CCDC172: variants seen among roughly 807,000 people sequenced by gnomAD.
The protein encoded by CCDC172 is coiled-coil domain-containing protein 172.
In CCDC172, 30 loss-of-function variants were observed where a neutral mutation model predicts 38.0. The observed-to-expected ratio is 0.79, with a 90% CI of 0.59 to 1.07. The LOEUF is 1.07. CCDC172 is among the 50% of genes least tolerant of loss of function. The pLI is 0.00. For missense variants in CCDC172, 297 were observed against 290.1 expected (o/e 1.02, Z -0.17); for synonymous variants, 78 against 88.3 (o/e 0.88, Z 0.66).
chr10:116,374,153 G>A (rs1175543964), intron 7 of CCDC172, among the ~76,000 whole-genome samples: 1 of 151,988 alleles, frequency 6.6e-6, no homozygotes, highest in African/African-American at 2.4e-5. Context: ...TTATCATATC[G>A]ACTGTTATGC....
Position 116,357,437 on chromosome 10 carries a change from G to C in CCDC172, c.506G>C (p.Ser169Thr). The change falls in exon 6 of 9, where the codon AGT becomes ACT. Residue 169 changes from serine (S) to threonine (T), a missense_variant. Ser to Thr is a moderately conservative substitution (Grantham distance 58). Coordinates refer to ENST00000333254, the MANE Select transcript of CCDC172 (RefSeq NM_198515.3). ...SQLNELQKQK[S>T]ELIQELFTLQ... ...TTAAATGAACTTCAAAAACAAAAGA[G>C]TGAATTGATACAAGAATTATTTACT... 6 of 1,584,006 alleles carry C rather than the reference G, an allele frequency of 3.8e-6. No homozygotes were observed. Among genetic ancestry groups the C allele is most frequent in the Non-Finnish European group, 5.1e-6 (6 of 1,167,694 alleles).
intron 5 of CCDC172, among the ~76,000 whole-genome samples, chr10:116,356,143 C>G (rs1844993159): frequency 1.3e-5 from 2 of 151,848 alleles, no homozygotes; most frequent in African/African-American, 4.8e-5. Flanking sequence ...CCAGCCTGAC[C>G]AACATGGTGA....
intron 5 of CCDC172, among the ~76,000 whole-genome samples, chr10:116,346,877 G>A (rs538801347): frequency 6.6e-6 from 1 of 151,998 alleles, no homozygotes; most frequent in African/African-American, 2.4e-5. Flanking sequence ...TAATGTGCTG[G>A]CCCCAACAGT....
intron 7 of CCDC172, 67 bp from the exon 8 acceptor site, chr10:116,378,356 C>T (rs771618594): frequency 2.6e-5 from 37 of 1,431,648 alleles, no homozygotes; most frequent in Non-Finnish European, 3.3e-5. Context: ...AAACTTGTCC[C>T]TCTCTGTGCA....
chr10:116,357,520 A>G (rs1365882064), intron 6 of CCDC172, 39 bp downstream of exon 6: 2 of 1,405,516 alleles, frequency 1.4e-6, no homozygotes, highest in African/African-American at 1.5e-5. Flanking sequence ...GCTGATAAAT[A>G]TAGTTATATA....
intron 3 of CCDC172, among the ~76,000 whole-genome samples, chr10:116,336,902 C>T (rs1300597833): frequency 1.3e-5 from 2 of 152,084 alleles, no homozygotes; most frequent in Non-Finnish European, 2.9e-5. Flanking sequence ...GGCACCCAGG[C>T]AGCAAGAGTA....
intron 3 of CCDC172, among the ~76,000 whole-genome samples, chr10:116,326,108 T>C (rs1239167727): frequency 1.3e-5 from 2 of 152,172 alleles, no homozygotes; most frequent in African/African-American, 4.8e-5. Context: ...CAGGGAGCAG[T>C]AAAAGTGGGT....
chr10:116,370,010 A>T (rs1050815980), intron 7 of CCDC172, among the ~76,000 whole-genome samples: 12 of 151,822 alleles, frequency 7.9e-5, no homozygotes, highest in African/African-American at 2.4e-4. Flanking sequence ...TTTTTTAACT[A>T]CCTATCTATG....
At position 116,350,845 on chromosome 10, in the gene CCDC172, G is replaced by A. The variant is rs149657400; in HGVS notation, c.449-6535G>A. 2.6e-3 allele frequency among the ~76,000 whole-genome samples: 389 copies of A among 152,164 alleles called. 1 individual carries two copies. The highest frequency in any genetic ancestry group is 0.01 in the Middle Eastern group (3 of 294). Reference sequence around the variant, plus strand: ...ATTAGAACATTGTGGGTTTTAGGCCGTGGAAGAAATTAAAAAGTGATTGCC... The same window carrying A: ...ATTAGAACATTGTGGGTTTTAGGCCATGGAAGAAATTAAAAAGTGATTGCC... On this transcript the variant is annotated intron_variant, in intron 5 of 8. Coordinates refer to ENST00000333254, the MANE Select transcript of CCDC172 (RefSeq NM_198515.3).
chr10:116,378,289 T>G, intron 7 of CCDC172, 134 bp from the exon 8 acceptor site: 1 of 902,060 alleles, frequency 1.1e-6, no homozygotes, highest in Non-Finnish European at 1.6e-6. Flanking sequence ...GAATTATAGA[T>G]AATTAAAATA....
chr10:116,350,522 A>C (rs1844917675), intron 5 of CCDC172, among the ~76,000 whole-genome samples: 1 of 152,218 alleles, frequency 6.6e-6, no homozygotes, highest in African/African-American at 2.4e-5. Flanking sequence ...TGTAAAATGA[A>C]TATTTATTTT....
intron 4 of CCDC172, 96 bp downstream of exon 4, chr10:116,340,946 A>G (rs1844786267): frequency 1.3e-6 from 1 of 770,226 alleles, no homozygotes; most frequent in Non-Finnish European, 2.3e-6. Flanking sequence ...ATCCATGTGC[A>G]TATTAGCAGG....
chr10:116,327,005 T>C (rs182394514), intron 3 of CCDC172, among the ~76,000 whole-genome samples: 1 of 152,278 alleles, frequency 6.6e-6, no homozygotes, highest in East Asian at 1.9e-4. Flanking sequence ...TAAGACACTT[T>C]CAGGATTGAT....
chr10:116,377,575 T>TA lies in CCDC172; in HGVS notation c.654-845dup, dbSNP rs1407992216. Among the ~76,000 whole-genome samples, 4 of 152,128 alleles carry TA rather than the reference T, an allele frequency of 2.6e-5. No homozygotes were observed. The East Asian group carries it at 7.7e-4, about 29-fold the overall frequency. ...AAAAAATTCAAAATATTCAAAAACT[T>TA]AAAGACTTAATTGGGGAAAAGAAAC... On this transcript the variant is annotated intron_variant, in intron 7 of 8. Transcript: ENST00000333254.
intron 3 of CCDC172, among the ~76,000 whole-genome samples, chr10:116,331,900 T>G (rs1844667368): frequency 6.6e-6 from 1 of 152,142 alleles, no homozygotes; most frequent in African/African-American, 2.4e-5. Flanking sequence ...TAAGAGAATC[T>G]CAGGGTTCAA....
At chr10:116,372,071 G>A (rs1354117070) in intron 7 of CCDC172, among the ~76,000 whole-genome samples, 1 of 151,960 alleles carries the variant, frequency 6.6e-6, no homozygotes, top group African/African-American at 2.4e-5. Context: ...TTCTGCATTG[G>A]TGTGGGCTTC....
intron 7 of CCDC172, among the ~76,000 whole-genome samples, chr10:116,358,366 T>G (rs1845025892): frequency 6.6e-6 from 1 of 152,142 alleles, no homozygotes; most frequent in Non-Finnish European, 1.5e-5. Context: ...TGAAAATGTA[T>G]TTTCTGTATG....
chr10:116,346,680 C>T (rs1844872117), intron 5 of CCDC172, among the ~76,000 whole-genome samples: 1 of 151,624 alleles, frequency 6.6e-6, no homozygotes, highest in African/African-American at 2.4e-5. Flanking sequence ...CCTGATATCA[C>T]AGATGCTATT....
intron 5 of CCDC172, 117 bp downstream of exon 5, chr10:116,342,318 TCTTTTA>T (rs1302097551): frequency 1.7e-5 from 13 of 755,924 alleles, no homozygotes; most frequent in East Asian, 1.3e-4. Flanking sequence ...GCATAGCGAT[TCTTTTA>T]CTTTTATTGA....
Sources: gnomAD v4.1 joint callset for allele counts (sites outside exome capture counted in the v4.1 genomes callset) on GRCh38, gnomAD v4.1.1 for gene constraint, MANE v1.5 for transcripts, NCBI Gene and HGNC (gene_info 2026-07-23, HGNC 2026-07-21) for gene names.